The following FRRS1L variants were observed in gnomAD, a reference collection of about 807,000 sequenced individuals.
The protein encoded by FRRS1L is DOMON domain-containing protein FRRS1L.
A neutral mutation model predicts 28.6 loss-of-function variants in FRRS1L; 22 were observed. That is an observed-to-expected ratio of 0.77 (90% CI 0.55 to 1.10). The LOEUF (loss-of-function observed/expected upper bound fraction) is 1.10. Among genes scored for constraint, FRRS1L ranks in the 50% least tolerant of loss-of-function variants. The pLI, the probability that FRRS1L is intolerant of heterozygous loss-of-function variation, is 0.00. For missense variants in FRRS1L, 380 were observed against 386.9 expected (o/e 0.98, Z 0.15); for synonymous variants, 158 against 151.4 (o/e 1.04, Z -0.32).
At chr9:109,164,713 G>C (rs1831524702) in intron 1 of FRRS1L, among the ~76,000 whole-genome samples, 1 of 152,188 alleles carries the variant, frequency 6.6e-6, no homozygotes, top group Non-Finnish European at 1.5e-5. Context: ...AGACTTTTGA[G>C]TGCAATGCCA....
chr9:109,162,956 T>C (rs1318682398), intron 1 of FRRS1L, among the ~76,000 whole-genome samples: 2 of 152,188 alleles, frequency 1.3e-5, no homozygotes, highest in African/African-American at 4.8e-5. Context: ...TGACCATAAA[T>C]GATGTTCTGT....
rs1390804214 is a variant in FRRS1L, at chr9:109,146,949, T to C, written c.462+102A>G. 2.8e-6 allele frequency: 3 copies of C among 1,079,686 alleles called. No individual in the cohort carries two copies. The South Asian group carries it at 4.5e-5, about 16-fold the overall frequency. The allele number at this position is 1,079,686 out of a possible 1,614,324, so 66.9% of individuals were successfully genotyped here. A position where few individuals can be genotyped will look rare whatever the true frequency, so the allele number is the denominator to read the frequency against. On this transcript the variant is annotated intron_variant, in intron 3 of 4. Transcript: ENST00000561981. The stretch of plus-strand genomic sequence containing the variant: ...TTGCAATCAGAGAGCCATAACTAAT[T>C]TGATCATTATACTGCTTTGATCAAT...
chr9:109,142,832 A>G (rs1486148798), intron 3 of FRRS1L, among the ~76,000 whole-genome samples: 2 of 149,048 alleles, frequency 1.3e-5, no homozygotes, highest in Non-Finnish European at 3.0e-5. Context: ...AAAAAAAAAT[A>G]CACAACAACA....
chr9:109,155,069 T>C (rs1213516255), intron 1 of FRRS1L, among the ~76,000 whole-genome samples: 1 of 152,228 alleles, frequency 6.6e-6, no homozygotes, highest in East Asian at 1.9e-4. Flanking sequence ...AATTTCTCAC[T>C]CTGCCAACAG....
rs1253927585 is a variant in FRRS1L, at chr9:109,138,078, TC to T, written c.710-452del. ...ATCTATCTTGTATATATATGGATCA[TC>T]AACAACTCCTGACAACACTACTAAC... On this transcript the variant is annotated intron_variant, in intron 4 of 4. Transcript: ENST00000561981. The T allele has an allele frequency of 3.3e-5, 5 of 152,496 alleles. No homozygotes were observed. The East Asian group carries it at 9.6e-4, about 29-fold the overall frequency. 9.4% of individuals were successfully genotyped at this position (152,496 alleles called of 1,614,324 possible). A position where few individuals can be genotyped will look rare whatever the true frequency, so the allele number is the denominator to read the frequency against.
At position 109,132,546 on chromosome 9, in the gene FRRS1L, C is replaced by T. The variant is rs1831069868; in HGVS notation, c.*4909G>A. 1 of 152,108 alleles carries T rather than the reference C, an allele frequency of 6.6e-6. No homozygotes were observed. Among genetic ancestry groups the T allele is most frequent in the African/African-American group, 2.4e-5 (1 of 41,400 alleles). The allele number at this position is 152,108 out of a possible 1,614,324, so 9.4% of individuals were successfully genotyped here. On this transcript the variant is annotated 3_prime_UTR_variant, in exon 5 of 5. Coordinates refer to ENST00000561981, the MANE Select transcript of FRRS1L (RefSeq NM_014334.4). The stretch of plus-strand genomic sequence containing the variant: ...ATTTTAAAAGCAAATTATTCACTAA[C>T]TTTGATATTCTTACAACTAACCAGT...
chr9:109,156,871 C>T (rs1831417386), intron 1 of FRRS1L, among the ~76,000 whole-genome samples: 1 of 151,968 alleles, frequency 6.6e-6, no homozygotes, highest in African/African-American at 2.4e-5. Flanking sequence ...CAGGGTTTTG[C>T]CACGTTGACC....
intron 2 of FRRS1L, chr9:109,148,107 TA>T: frequency 6.6e-6 from 1 of 152,300 alleles, no homozygotes; most frequent in Admixed American, 6.5e-5. Context: ...TAGTTGGGAC[TA>T]CAGGCATGGG....
At chr9:109,141,141 CTG>C (rs1831180137) in intron 4 of FRRS1L, 200 bp downstream of exon 4, 1 of 606,804 alleles carries the variant, frequency 1.6e-6, no homozygotes, top group African/African-American at 1.9e-5. Context: ...ATGTGTGTAA[CTG>C]TTCATTTGTT....
chr9:109,160,286 A>G (rs548583431), intron 1 of FRRS1L, among the ~76,000 whole-genome samples: 21 of 152,204 alleles, frequency 1.4e-4, no homozygotes, highest in African/African-American at 3.6e-4. Flanking sequence ...CTATCGTCCT[A>G]TGTTTCTTAT....
intron 3 of FRRS1L, among the ~76,000 whole-genome samples, chr9:109,142,950 G>A (rs978808785): frequency 1.3e-5 from 2 of 152,126 alleles, no homozygotes; most frequent in African/African-American, 4.8e-5. Context: ...CCTGAGGTGG[G>A]AGGGTCACTT....
At chr9:109,153,769 G>A (rs1454622791) in intron 1 of FRRS1L, among the ~76,000 whole-genome samples, 3 of 152,142 alleles carry the variant, frequency 2.0e-5, no homozygotes, top group Non-Finnish European at 4.4e-5. Context: ...CAGTACACCA[G>A]TCGGGAGTTG....
At chr9:109,155,586 C>T (rs117314842) in intron 1 of FRRS1L, among the ~76,000 whole-genome samples, 2 of 151,842 alleles carry the variant, frequency 1.3e-5, no homozygotes, top group East Asian at 3.9e-4. Context: ...CACCTGTAGT[C>T]CTAACTACTC....
At chr9:109,141,702 T>A in intron 3 of FRRS1L, 113 bp from the exon 4 acceptor site, 1 of 1,189,566 alleles carries the variant, frequency 8.4e-7, no homozygotes, top group African/African-American at 1.5e-5. Context: ...ACCAAAAAAA[T>A]TCTTTTAAGT....
At chr9:109,146,216 C>T (rs118018056) in intron 3 of FRRS1L, among the ~76,000 whole-genome samples, 8,417 of 151,964 alleles carry the variant, frequency 0.055, 367 homozygotes, top group East Asian at 0.13. Flanking sequence ...AACAAACAAA[C>T]AAATAAATTA....
chr9:109,146,653 C>T (rs910974342), intron 3 of FRRS1L, among the ~76,000 whole-genome samples: 4 of 152,154 alleles, frequency 2.6e-5, no homozygotes, highest in African/African-American at 9.7e-5. Flanking sequence ...CCTTGGATGA[C>T]TAGTGAAAAC....
intron 4 of FRRS1L, chr9:109,140,045 A>G (rs1290799268): frequency 6.6e-6 from 1 of 152,252 alleles, no homozygotes; most frequent in African/African-American, 2.4e-5. Context: ...TGATTTTAGC[A>G]GTCTCTAAAA....
intron 1 of FRRS1L, among the ~76,000 whole-genome samples, chr9:109,158,169 T>C (rs1172887279): frequency 6.6e-6 from 1 of 152,218 alleles, no homozygotes; most frequent in Non-Finnish European, 1.5e-5. Flanking sequence ...ACTGATTCAA[T>C]TTCTTTGATG....
intron 1 of FRRS1L, among the ~76,000 whole-genome samples, chr9:109,164,624 C>T (rs1831523600): frequency 6.6e-6 from 1 of 151,988 alleles, no homozygotes; most frequent in South Asian, 2.1e-4. Flanking sequence ...TCTCGAACTC[C>T]TGACCTCCTG....
Sources: allele counts gnomAD v4.1 joint callset (sites outside exome capture counted in the v4.1 genomes callset), GRCh38; gene constraint gnomAD v4.1.1; transcripts MANE v1.5; gene names NCBI Gene and HGNC (gene_info 2026-07-23, HGNC 2026-07-21).